HACE1: variants seen among roughly 807,000 people sequenced by gnomAD.
The protein encoded by HACE1 is E3 ubiquitin-protein ligase HACE1.
HACE1 carries 73 observed loss-of-function variants against 118.4 expected under a neutral mutation model. That is an observed-to-expected ratio of 0.62 (90% CI 0.51 to 0.75). The LOEUF (loss-of-function observed/expected upper bound fraction) is 0.75. HACE1 is among the 30% of genes least tolerant of loss of function. HACE1 has a pLI of 0.00. For synonymous variants in HACE1, 368 were observed against 374.8 expected (o/e 0.98, Z 0.21); for missense variants, 749 against 1,102.2 (o/e 0.68, Z 4.54).
At chr6:104,743,509 A>G (rs1264819520) in intron 22 of HACE1, among the ~76,000 whole-genome samples, 2 of 152,000 alleles carry the variant, frequency 1.3e-5, no homozygotes, top group African/African-American at 4.8e-5. Context: ...ATAATGAAAA[A>G]AACCAAACTA....
chr6:104,857,692 A>T (rs1582810566), intron 1 of HACE1, among the ~76,000 whole-genome samples: 1 of 151,526 alleles, frequency 6.6e-6, no homozygotes, highest in Admixed American at 6.6e-5. Flanking sequence ...ACGGTGGCTC[A>T]CGCCTGTAAT....
At position 104,767,084 on chromosome 6, in the gene HACE1, A is replaced by T. The variant is rs137992468; in HGVS notation, c.2211+4109T>A. ...GTTTTAATATTAAGGCTGTTTCCAC[A>T]CTAAATAAAGAGAAATAGCTATCTC... is the stretch of plus-strand genomic sequence containing the variant. On this transcript the variant is annotated intron_variant, in intron 19 of 23. Coordinates refer to ENST00000262903, the MANE Select transcript of HACE1 (RefSeq NM_020771.4). Among the ~76,000 whole-genome samples the T allele has an allele frequency of 4.5e-3, 682 of 152,346 alleles. 5 individuals are homozygous for T. Among genetic ancestry groups the T allele is most frequent in the Middle Eastern group, 0.017 (5 of 294 alleles).
chr6:104,788,126 A>G (rs569125651), intron 11 of HACE1, among the ~76,000 whole-genome samples: 41 of 152,266 alleles, frequency 2.7e-4, no homozygotes, highest in Middle Eastern at 3.4e-3. Context: ...AAGGATTCAA[A>G]TAAATTTTAA....
chr6:104,736,886 G>A (rs776666577), intron 22 of HACE1, among the ~76,000 whole-genome samples: 1 of 152,086 alleles, frequency 6.6e-6, no homozygotes, highest in Non-Finnish European at 1.5e-5. Flanking sequence ...TCTCTGAATA[G>A]TGGGATCACT....
chr6:104,808,190 A>AT (rs1262294545), intron 7 of HACE1, among the ~76,000 whole-genome samples: 1 of 151,898 alleles, frequency 6.6e-6, no homozygotes, highest in African/African-American at 2.4e-5. Context: ...TGTCTCAAAA[A>AT]TTAAAAAAAA....
At chr6:104,788,112 C>T (rs115205861) in intron 11 of HACE1, among the ~76,000 whole-genome samples, 2,993 of 152,016 alleles carry the variant, frequency 0.02, 90 homozygotes, top group African/African-American at 0.068. Context: ...CAGCCACCAA[C>T]AAAAAGGATT....
intron 14 of HACE1, among the ~76,000 whole-genome samples, chr6:104,779,057 GT>G (rs1473913401): frequency 1.1e-4 from 17 of 152,172 alleles, no homozygotes; most frequent in African/African-American, 4.1e-4. Flanking sequence ...CAAAGGTAAA[GT>G]TGGAGACAGG....
intron 22 of HACE1, among the ~76,000 whole-genome samples, chr6:104,734,386 T>C (rs1403443998): frequency 1.3e-5 from 2 of 151,914 alleles, no homozygotes; most frequent in African/African-American, 4.8e-5. Context: ...AAATATAAAC[T>C]AATACAGAAT....
At chr6:104,802,293 T>C (rs1179263759) in intron 7 of HACE1, among the ~76,000 whole-genome samples, 1 of 152,080 alleles carries the variant, frequency 6.6e-6, no homozygotes, top group African/African-American at 2.4e-5. Context: ...CCACTGTCAA[T>C]AATAGACAGA....
At position 104,859,718 on chromosome 6, in the gene HACE1, G is replaced by T. The variant is rs1044659986; in HGVS notation, c.-76C>A. The stretch of plus-strand genomic sequence containing the variant: ...CTCCGCGCCCAGAGCCCTACATCTC[G>T]CCTGGGCCCGTCCAGCAGGCGGAGA... On this transcript the variant is annotated 5_prime_UTR_variant, in exon 1 of 24. Coordinates refer to ENST00000262903, the MANE Select transcript of HACE1 (RefSeq NM_020771.4). 4.7e-6 allele frequency: 6 copies of T among 1,286,428 alleles called. No individual in the cohort carries two copies. Among genetic ancestry groups the T allele is most frequent in the East Asian group, 2.8e-5 (1 of 36,294 alleles). 79.7% of individuals were successfully genotyped at this position (1,286,428 alleles called of 1,614,324 possible). A position where few individuals can be genotyped will look rare whatever the true frequency, so the allele number is the denominator to read the frequency against.
intron 20 of HACE1, among the ~76,000 whole-genome samples, chr6:104,744,932 GTTTACTTTATATT>G (rs1777240194): frequency 6.6e-6 from 1 of 152,014 alleles, no homozygotes; most frequent in Admixed American, 6.6e-5. Flanking sequence ...ATTATCTTTG[GTTTACTTTATATT>G]TTTACAATTC....
intron 14 of HACE1, among the ~76,000 whole-genome samples, chr6:104,783,502 A>G (rs903651057): frequency 1.4e-4 from 21 of 152,220 alleles, no homozygotes; most frequent in Admixed American, 1.3e-3. Context: ...TCCATTTTGT[A>G]GATGAAGAAA....
intron 19 of HACE1, among the ~76,000 whole-genome samples, chr6:104,770,437 G>A (rs1020273855): frequency 2.0e-5 from 3 of 152,018 alleles, no homozygotes; most frequent in African/African-American, 2.4e-5. Flanking sequence ...ATAAAAATAA[G>A]GCCGAGAGTG....
rs568283729 is a variant in HACE1 at position 104,805,414 on chromosome 6, T to C, written c.617+5897A>G. Among the ~76,000 whole-genome samples, 3 of 152,328 alleles carry C rather than the reference T, an allele frequency of 2.0e-5. No individual in the cohort carries two copies. In the East Asian group the frequency reaches 5.8e-4, roughly 29 times the overall value. ...AAAGACACATGGATACATATGTTTA[T>C]TGCAGTACTATTCACAATAGCAAAG... On this transcript the variant is annotated intron_variant, in intron 7 of 23. Coordinates refer to ENST00000262903, the MANE Select transcript of HACE1 (RefSeq NM_020771.4).
At chr6:104,757,858 T>C (rs1483306018) in intron 19 of HACE1, among the ~76,000 whole-genome samples, 1 of 152,132 alleles carries the variant, frequency 6.6e-6, no homozygotes, top group Non-Finnish European at 1.5e-5. Context: ...TTAAATGACC[T>C]GATGGAGCTG....
chr6:104,743,174 AG>A (rs1171829368), intron 22 of HACE1, among the ~76,000 whole-genome samples: 1 of 70,600 alleles, frequency 1.4e-5, no homozygotes, highest in Non-Finnish European at 2.7e-5. Context: ...GGGTGGGGGG[AG>A]GGGGGAGGGA....
At chr6:104,759,287 A>G (rs1158575570) in intron 19 of HACE1, among the ~76,000 whole-genome samples, 1 of 152,204 alleles carries the variant, frequency 6.6e-6, no homozygotes, top group African/African-American at 2.4e-5. Flanking sequence ...AAAACTGACC[A>G]TATAATTGGA....
intron 19 of HACE1, among the ~76,000 whole-genome samples, chr6:104,760,946 A>C (rs1779288044): frequency 6.6e-6 from 1 of 152,218 alleles, no homozygotes; most frequent in Non-Finnish European, 1.5e-5. Context: ...TTAAATTCAC[A>C]ATTACTATTA....
intron 5 of HACE1, among the ~76,000 whole-genome samples, chr6:104,837,061 T>C (rs1256620513): frequency 6.6e-6 from 1 of 152,210 alleles, no homozygotes; most frequent in Non-Finnish European, 1.5e-5. Flanking sequence ...ACAGTAAAGA[T>C]AACAATTCTC....
Sources: gnomAD v4.1 joint callset for allele counts (sites outside exome capture counted in the v4.1 genomes callset) on GRCh38, gnomAD v4.1.1 for gene constraint, MANE v1.5 for transcripts, NCBI Gene and HGNC (gene_info 2026-07-23, HGNC 2026-07-21) for gene names.